Variants in CNBD2 observed in about 807,000 individuals in gnomAD.
CNBD2 encodes cyclic nucleotide-binding domain-containing protein 2.
Under a neutral mutation model 63.7 loss-of-function variants are expected in CNBD2, and 64 were observed. The observed-to-expected ratio is 1.00, with a 90% CI of 0.82 to 1.24. The LOEUF (loss-of-function observed/expected upper bound fraction) is 1.24, where lower values mean the gene tolerates loss of function less well. Among genes scored for constraint, CNBD2 ranks in the 50% most tolerant of loss-of-function variants. CNBD2 has a pLI of 0.00. For synonymous variants in CNBD2, 229 were observed against 255.4 expected (o/e 0.90, Z 0.99); for missense variants, 691 against 713.5 (o/e 0.97, Z 0.36).
At chr20:36,029,333 C>G (rs1410754375) in intron 11 of CNBD2, among the ~76,000 whole-genome samples, 2 of 152,098 alleles carry the variant, frequency 1.3e-5, no homozygotes, top group African/African-American at 2.4e-5. Context: ...AGTTCTAAGT[C>G]TGAGTGAGAT....
At chr20:35,965,512 G>A (rs140260154), upstream of CNBD2, among the ~76,000 whole-genome samples, 359 of 152,178 alleles carry the variant, frequency 2.4e-3, 2 homozygotes, top group East Asian at 8.3e-3. Flanking sequence ...GAATTGAATC[G>A]AACTCCATTT....
At chr20:35,959,341 G>T (rs1300674516), downstream of CNBD2, 1 of 152,120 alleles carries the variant, frequency 6.6e-6, no homozygotes, top group African/African-American at 2.4e-5. Flanking sequence ...GTATTAGTCT[G>T]TTCTCATGCT....
intron 7 of CNBD2, among the ~76,000 whole-genome samples, chr20:35,994,057 T>TTG (rs1555811222): frequency 6.6e-6 from 1 of 151,224 alleles, no homozygotes; most frequent in African/African-American, 2.4e-5. Context: ...TTTTGTTTTT[T>TTG]TTTGTTTGTT....
In CNBD2 at chr20:35,972,784, G is replaced by A; in HGVS notation, c.189+18G>A. The stretch of plus-strand genomic sequence containing the variant: ...TCTGGGATGTAAGCAGTTGGGCTCA[G>A]CAGGATTATGAGGGCTCAAAGAAGC... On this transcript the variant is annotated intron_variant, in intron 2 of 11. Coordinates refer to ENST00000373973, the MANE Select transcript of CNBD2 (RefSeq NM_001365709.1). 1 of 1,613,738 alleles carries A rather than the reference G, an allele frequency of 6.2e-7. No homozygotes were observed.
intron 9 of CNBD2, among the ~76,000 whole-genome samples, chr20:36,009,276 A>G (rs557003630): frequency 1.3e-4 from 19 of 149,274 alleles, no homozygotes; most frequent in African/African-American, 4.7e-4. Flanking sequence ...ATCTCTGCTC[A>G]CTGTAAGCTC....
intron 9 of CNBD2, among the ~76,000 whole-genome samples, chr20:36,010,898 C>G (rs2057049888): frequency 6.6e-6 from 1 of 152,208 alleles, no homozygotes; most frequent in African/African-American, 2.4e-5. Flanking sequence ...GAGAACAGCC[C>G]TCAGGTGTTT....
At chr20:35,966,099 G>A (rs2056343116), upstream of CNBD2, among the ~76,000 whole-genome samples, 2 of 152,042 alleles carry the variant, frequency 1.3e-5, no homozygotes, top group Admixed American at 1.3e-4. Flanking sequence ...GTTTCTTTCA[G>A]AAGCCCCCTA....
chr20:36,029,446 G>T (rs1349834493), intron 11 of CNBD2, among the ~76,000 whole-genome samples: 1 of 152,198 alleles, frequency 6.6e-6, no homozygotes, highest in South Asian at 2.1e-4. Context: ...AGCTCTCCAA[G>T]ATGCCGGAGG....
upstream of CNBD2, among the ~76,000 whole-genome samples, chr20:35,966,910 T>C (rs2147184782): frequency 6.6e-6 from 1 of 152,342 alleles, no homozygotes; most frequent in East Asian, 1.9e-4. Context: ...CTTAGCTGAT[T>C]AGAAATGCAG....
exon 1 of CNBD2, chr20:35,954,803 G>C (rs1418106970): frequency 3.9e-5 from 14 of 356,522 alleles, no homozygotes; most frequent in Admixed American, 4.5e-5. Flanking sequence ...ATGAGCTGTA[G>C]CTCTGATGGC....
chr20:36,009,665 C>T (rs988179199), intron 9 of CNBD2, among the ~76,000 whole-genome samples: 1 of 151,982 alleles, frequency 6.6e-6, no homozygotes, highest in African/African-American at 2.4e-5. Flanking sequence ...AACCCCGTCT[C>T]TACTAAAAAT....
chr20:36,017,368 T>TA (rs1284253167), intron 10 of CNBD2, among the ~76,000 whole-genome samples: 23 of 152,126 alleles, frequency 1.5e-4, no homozygotes, highest in Admixed American at 6.5e-5. Context: ...AGGTTGTCCT[T>TA]ATGCCATTCT....
chr20:35,993,578 G>A (rs1414191427), intron 7 of CNBD2, among the ~76,000 whole-genome samples: 3 of 152,138 alleles, frequency 2.0e-5, no homozygotes, highest in Non-Finnish European at 4.4e-5. Flanking sequence ...AGTTACAAGA[G>A]TCTGTTTTAT....
At position 35,962,937 on chromosome 20, in the gene CNBD2, C is replaced by T. The variant is rs543842281; in HGVS notation, c.228+5163C>T. Among the ~76,000 whole-genome samples the T allele has an allele frequency of 7.1e-4, 108 of 152,236 alleles. 2 individuals are homozygous for T. The South Asian group carries it at 0.017, about 25-fold the overall frequency. ...TTAGGCTCTGGAACGGTTGAAGAAA[C>T]ATTGAGGTTGTTTGGAGTTGCCTGT... On this transcript the variant is annotated intron_variant, in intron 2 of 4. Coordinates refer to the CNBD2 transcript ENST00000622112.
At position 35,971,313 on chromosome 20, in the gene CNBD2, A is replaced by G. The variant is rs547807645; in HGVS notation, c.52-1316A>G. Among the ~76,000 whole-genome samples the G allele has an allele frequency of 3.3e-5, 5 of 152,308 alleles. No homozygotes were observed. In the East Asian group the frequency reaches 7.7e-4, roughly 23 times the overall value. ...AAGTAAGCTGCATACTTTATGACATATCTTTCTTAAAAATAATGACATTAC... is the reference window on the plus strand; with the variant it reads ...AAGTAAGCTGCATACTTTATGACATGTCTTTCTTAAAAATAATGACATTAC... On this transcript the variant is annotated intron_variant, in intron 1 of 11. Transcript: ENST00000373973.
intron 7 of CNBD2, among the ~76,000 whole-genome samples, chr20:35,988,954 C>T (rs559804420): frequency 6.5e-4 from 99 of 152,328 alleles, no homozygotes; most frequent in African/African-American, 2.4e-3. Flanking sequence ...TTGCAAATTG[C>T]TTCACGTCCT....
In CNBD2 at chr20:35,961,074, C is replaced by T. The variant is rs57842106; in HGVS notation, c.228+3300C>T. 9.6e-3 allele frequency among the ~76,000 whole-genome samples: 1,463 copies of T among 152,128 alleles called. 17 individuals are homozygous for T. The highest frequency in any genetic ancestry group is 0.032 in the African/African-American group (1,348 of 41,486). ...CCTCTCGAGTAGCTGGGATTACAGA[C>T]GCCTGCCACCACACCCGGTTAATTT... On this transcript the variant is annotated intron_variant, in intron 2 of 4. Coordinates refer to the CNBD2 transcript ENST00000622112.
chr20:35,970,254 TG>T (rs1411619806), intron 1 of CNBD2, among the ~76,000 whole-genome samples: 1 of 152,266 alleles, frequency 6.6e-6, no homozygotes, highest in South Asian at 2.1e-4. Context: ...TCTTTTGATT[TG>T]TAGGATTACA....
At chr20:36,022,821 T>C (rs1033472661) in intron 10 of CNBD2, among the ~76,000 whole-genome samples, 1 of 151,652 alleles carries the variant, frequency 6.6e-6, no homozygotes, top group Non-Finnish European at 1.5e-5. Context: ...GGTTTCACCA[T>C]GTTGCCCAGG....
Sources: gnomAD v4.1 joint callset for allele counts (sites outside exome capture counted in the v4.1 genomes callset) on GRCh38, gnomAD v4.1.1 for gene constraint, MANE v1.5 for transcripts, NCBI Gene and HGNC (gene_info 2026-07-23, HGNC 2026-07-21) for gene names.